Variants in ROBO2 observed in about 807,000 individuals in gnomAD.
ROBO2 encodes roundabout guidance receptor 2.
A neutral mutation model predicts 160.8 loss-of-function variants in ROBO2; 53 were observed. The ratio of observed to expected loss-of-function variants is 0.33; its 90% CI spans 0.26 to 0.41. The LOEUF (loss-of-function observed/expected upper bound fraction) is 0.41, where lower values mean the gene tolerates loss of function less well. Ranked by LOEUF, ROBO2 falls within the 10% of genes least tolerant of loss-of-function variation. The probability of loss-of-function intolerance (pLI) is 1.00; values close to 1 mark genes in which losing one functional copy is unlikely to be tolerated. For synonymous variants in ROBO2, 664 were observed against 611.7 expected (o/e 1.09, Z -1.26); for missense variants, 1,577 against 1,722.4 (o/e 0.92, Z 1.49).
At chr3:75,947,275 G>A (rs1948343611) in intron 2 of ROBO2, among the ~76,000 whole-genome samples, 1 of 152,060 alleles carries the variant, frequency 6.6e-6, no homozygotes, top group Admixed American at 6.6e-5. Flanking sequence ...GCACTGACAA[G>A]TTGACTTGGC....
At chr3:76,443,685 C>T (rs2077033909) in intron 2 of ROBO2, among the ~76,000 whole-genome samples, 1 of 151,974 alleles carries the variant, frequency 6.6e-6, no homozygotes, top group Admixed American at 6.6e-5. Flanking sequence ...TTTTAGAGGC[C>T]ACCTGCAACA....
intron 2 of ROBO2, among the ~76,000 whole-genome samples, chr3:76,048,983 A>C (rs372681616): frequency 5.9e-5 from 9 of 152,174 alleles, no homozygotes; most frequent in African/African-American, 2.2e-4. Context: ...TGCAACGCTA[A>C]ACAACATATT....
chr3:76,455,954 T>TA (rs977735796), intron 2 of ROBO2, among the ~76,000 whole-genome samples: 3 of 152,176 alleles, frequency 2.0e-5, no homozygotes. Context: ...CCCAGAGACA[T>TA]AATTTTTTCA....
At chr3:76,208,993 T>C (rs1319989188) in intron 2 of ROBO2, among the ~76,000 whole-genome samples, 1 of 152,168 alleles carries the variant, frequency 6.6e-6, no homozygotes, top group African/African-American at 2.4e-5. Context: ...TTCAAAGACT[T>C]TTTATTACTA....
chr3:76,390,833 A>G (rs932700128), intron 2 of ROBO2, among the ~76,000 whole-genome samples: 2 of 152,156 alleles, frequency 1.3e-5, no homozygotes, highest in African/African-American at 2.4e-5. Context: ...GTCATATCCC[A>G]TCAGAATTAA....
chr3:76,249,149 T>G (rs1705823012), intron 2 of ROBO2, among the ~76,000 whole-genome samples: 1 of 152,106 alleles, frequency 6.6e-6, no homozygotes, highest in Admixed American at 6.6e-5. Context: ...TGGTTGAACT[T>G]CGTGAAATAT....
intron 2 of ROBO2, among the ~76,000 whole-genome samples, chr3:77,128,762 G>T (rs2150335082): frequency 6.6e-6 from 1 of 152,224 alleles, no homozygotes; most frequent in South Asian, 2.1e-4. Context: ...ATGAATATAT[G>T]AACTATGAAG....
intron 6 of ROBO2, among the ~76,000 whole-genome samples, chr3:77,533,088 G>A (rs6806189): frequency 0.015 from 2,242 of 152,236 alleles, 62 homozygotes; most frequent in African/African-American, 0.052. Flanking sequence ...CATATTTGGA[G>A]AAGAGAAAAT....
At chr3:77,042,082 C>T (rs11922058) in intron 1 of ROBO2, among the ~76,000 whole-genome samples, 171 of 152,278 alleles carry the variant, frequency 1.1e-3, no homozygotes, top group African/African-American at 3.9e-3. Flanking sequence ...TGAGGCAATA[C>T]AGAGGAGTTT....
intron 2 of ROBO2, among the ~76,000 whole-genome samples, chr3:77,429,289 T>TC (rs2078530349): frequency 6.6e-6 from 1 of 152,164 alleles, no homozygotes; most frequent in Admixed American, 6.5e-5. Context: ...TTTATTACCA[T>TC]CCCATAAGTG....
intron 2 of ROBO2, among the ~76,000 whole-genome samples, chr3:76,842,912 G>A (rs943448679): frequency 6.6e-6 from 1 of 151,842 alleles, no homozygotes; most frequent in Non-Finnish European, 1.5e-5. Context: ...AGAAGCAGAG[G>A]CTCATGGCAG....
intron 2 of ROBO2, among the ~76,000 whole-genome samples, chr3:77,000,118 C>G (rs963643520): frequency 6.6e-6 from 1 of 152,002 alleles, no homozygotes; most frequent in Non-Finnish European, 1.5e-5. Flanking sequence ...GAAAAAAGAA[C>G]CAGGTCCTGA....
intron 2 of ROBO2, among the ~76,000 whole-genome samples, chr3:76,689,949 TC>T (rs967576006): frequency 1.3e-5 from 2 of 152,244 alleles, no homozygotes; most frequent in Non-Finnish European, 2.9e-5. Flanking sequence ...TCCATTTTAC[TC>T]CCTCCTCCTT....
chr3:76,363,900 A>G (rs975819430), intron 2 of ROBO2, among the ~76,000 whole-genome samples: 1 of 152,002 alleles, frequency 6.6e-6, no homozygotes, highest in Admixed American at 6.6e-5. Flanking sequence ...TACTTAAACT[A>G]TGGTCCTAAC....
At chr3:76,491,981 T>C (rs2079850610) in intron 2 of ROBO2, among the ~76,000 whole-genome samples, 1 of 152,022 alleles carries the variant, frequency 6.6e-6, no homozygotes, top group South Asian at 2.1e-4. Context: ...TGGTGCATGG[T>C]GGTGTGTGCC....
chr3:76,684,841 T>C (rs995365576), intron 2 of ROBO2, among the ~76,000 whole-genome samples: 5 of 152,290 alleles, frequency 3.3e-5, no homozygotes, highest in Admixed American at 6.5e-5. Context: ...TTCTTTATTC[T>C]TAGCCATGGT....
At chr3:76,176,778 C>T (rs187286779) in intron 2 of ROBO2, among the ~76,000 whole-genome samples, 17 of 151,998 alleles carry the variant, frequency 1.1e-4, no homozygotes, top group Admixed American at 4.6e-4. Flanking sequence ...TTCAAAAACC[C>T]GTTATTAATA....
chr3:76,707,169 G>A (rs1336193526), intron 2 of ROBO2, among the ~76,000 whole-genome samples: 1 of 151,976 alleles, frequency 6.6e-6, no homozygotes, highest in Non-Finnish European at 1.5e-5. Flanking sequence ...AGCCAGAAGA[G>A]CATTACTCTT....
At chr3:75,987,545 C>T (rs951325478) in intron 2 of ROBO2, among the ~76,000 whole-genome samples, 6 of 151,788 alleles carry the variant, frequency 4.0e-5, no homozygotes, top group Non-Finnish European at 5.9e-5. Flanking sequence ...CCTCTTATGT[C>T]TTTTCCTTGC....
Sources: allele counts gnomAD v4.1 joint callset (sites outside exome capture counted in the v4.1 genomes callset), GRCh38; gene constraint gnomAD v4.1.1; transcripts MANE v1.5; gene names NCBI Gene and HGNC (gene_info 2026-07-23, HGNC 2026-07-21).